The following ROCK2 variants were observed in gnomAD, a reference collection of about 807,000 sequenced individuals.
The protein encoded by ROCK2 is Rho associated coiled-coil containing protein kinase 2.
ROCK2 carries 61 observed loss-of-function variants against 195.1 expected under a neutral mutation model. That is an observed-to-expected ratio of 0.31 (90% confidence interval 0.25 to 0.39). The LOEUF (loss-of-function observed/expected upper bound fraction) is 0.39. Among genes scored for constraint, ROCK2 ranks in the 10% least tolerant of loss-of-function variants. ROCK2 has a pLI of 1.00. For missense variants in ROCK2, 1,109 were observed against 1,637.4 expected, an observed-to-expected ratio of 0.68 and a Z score of 5.57; for synonymous variants, 504 against 545.5, an observed-to-expected ratio of 0.92 and a Z score of 1.06.
intron 1 of ROCK2, among the ~76,000 whole-genome samples, chr2:11,293,567 G>A (rs748545007): frequency 3.3e-5 from 5 of 152,292 alleles, no homozygotes; most frequent in Admixed American, 6.5e-5. Context: ...GGCAAGATAG[G>A]ACCAGTATTA....
chr2:11,222,227 TTAACTC>T (rs1400164040), intron 7 of ROCK2, 53 bp from the exon 8 acceptor site: 2 of 1,028,532 alleles, frequency 1.9e-6, no homozygotes, highest in East Asian at 2.5e-5. Flanking sequence ...AATAAAAAGA[TTAACTC>T]TATGTCAACA....
intron 3 of ROCK2, among the ~76,000 whole-genome samples, chr2:11,273,876 C>A (rs1175973771): frequency 6.6e-6 from 1 of 150,992 alleles, no homozygotes; most frequent in Non-Finnish European, 1.5e-5. Flanking sequence ...TGGCAGTGAG[C>A]CGAGGTTGCG....
At position 11,235,240 on chromosome 2, in the gene ROCK2, A is replaced by C. The variant is rs1040008372; in HGVS notation, c.723+462T>G. Among the ~76,000 whole-genome samples, 2 of 152,210 alleles carry C rather than the reference A, an allele frequency of 1.3e-5. No individual in the cohort carries two copies. The highest frequency in any genetic ancestry group is 4.8e-5 in the African/African-American group (2 of 41,470). The stretch of plus-strand genomic sequence containing the variant: ...AAGCATCGGAACAGATGATGTTCCC[A>C]AATTTATTCTGTGTGGTTGATGCAG... On this transcript the variant is annotated intron_variant, in intron 5 of 32. Transcript: ENST00000315872. This position sits in a 1 kb window ranked among gnomAD's most constrained non-coding sequence, Gnocchi z 4.2.
chr2:11,250,318 T>C (rs1009075440), intron 3 of ROCK2, among the ~76,000 whole-genome samples: 3 of 152,204 alleles, frequency 2.0e-5, no homozygotes, highest in Non-Finnish European at 4.4e-5. Context: ...TGTTTGTTTG[T>C]GTTTTAGGAA....
At chr2:11,314,497 A>T (rs1457327984) in intron 1 of ROCK2, among the ~76,000 whole-genome samples, 1 of 152,008 alleles carries the variant, frequency 6.6e-6, no homozygotes. Flanking sequence ...ATTTACATGA[A>T]TAAGGTTTCG....
chr2:11,317,587 T>TAAAAAAAAAAAAAAAAA (rs1553317367), intron 1 of ROCK2, among the ~76,000 whole-genome samples: 1 of 12,448 alleles, frequency 8.0e-5, no homozygotes, highest in African/African-American at 2.7e-4. Flanking sequence ...TATATATATA[T>TAAAAAAAAAAAAAAAAA]ATATATATAT....
intron 1 of ROCK2, among the ~76,000 whole-genome samples, chr2:11,331,048 A>AGGAGGGAGGAGGAGGGAGGG: frequency 7.0e-6 from 1 of 141,954 alleles, no homozygotes; most frequent in African/African-American, 2.6e-5. Flanking sequence ...AGGAGGGAGG[A>AGGAGGGAGGAGGAGGGAGGG]GGAGGAGGAG....
chr2:11,233,655 AG>A (rs1350057025), intron 5 of ROCK2, among the ~76,000 whole-genome samples: 8 of 152,212 alleles, frequency 5.3e-5, no homozygotes, highest in Admixed American at 2.0e-4. Context: ...ACTAAGCAGC[AG>A]AAAGAAGCAA....
intron 1 of ROCK2, among the ~76,000 whole-genome samples, chr2:11,317,610 A>ATTTTTTTT (rs1300312547): frequency 1.8e-4 from 3 of 16,814 alleles, no homozygotes; most frequent in South Asian, 2.3e-3. Context: ...ATATATATAT[A>ATTTTTTTT]TATTTTTTTT....
chr2:11,339,730 G>T (rs1669045348), intron 1 of ROCK2, among the ~76,000 whole-genome samples: 1 of 151,962 alleles, frequency 6.6e-6, no homozygotes, highest in Non-Finnish European at 1.5e-5. Context: ...AAAAAAACAA[G>T]TAAAACTAAA....
At chr2:11,222,684 T>A (rs1243323250) in intron 7 of ROCK2, among the ~76,000 whole-genome samples, 4 of 152,126 alleles carry the variant, frequency 2.6e-5, no homozygotes, top group Admixed American at 2.6e-4. Context: ...TCATTCTGCA[T>A]ATATGAAAAA....
At chr2:11,333,747 T>C (rs933812892) in intron 1 of ROCK2, among the ~76,000 whole-genome samples, 1 of 152,182 alleles carries the variant, frequency 6.6e-6, no homozygotes, top group Non-Finnish European at 1.5e-5. Context: ...TTTTAAAGGA[T>C]TTCACCTTGT....
At chr2:11,313,811 T>C (rs566385116) in intron 1 of ROCK2, among the ~76,000 whole-genome samples, 4 of 152,048 alleles carry the variant, frequency 2.6e-5, no homozygotes, top group African/African-American at 4.8e-5. Context: ...TTTTGGTGCA[T>C]GTTATAAAGA....
At chr2:11,241,477 C>G (rs1393487889) in intron 4 of ROCK2, among the ~76,000 whole-genome samples, 2 of 152,052 alleles carry the variant, frequency 1.3e-5, no homozygotes, top group Non-Finnish European at 2.9e-5. Flanking sequence ...TTGATGAACT[C>G]TATAAACCCA....
At chr2:11,291,995 A>G (rs2148201569) in intron 1 of ROCK2, among the ~76,000 whole-genome samples, 1 of 9,018 alleles carries the variant, frequency 1.1e-4, no homozygotes, top group African/African-American at 1.3e-4. Context: ...ATGACAGACT[A>G]TGATAGTTAA....
At chr2:11,323,799 G>T (rs752002894) in intron 1 of ROCK2, among the ~76,000 whole-genome samples, 1 of 152,008 alleles carries the variant, frequency 6.6e-6, no homozygotes, top group Non-Finnish European at 1.5e-5. Context: ...TCCCTCACCA[G>T]AATGATACGT....
rs766667964 is a variant in ROCK2, at chr2:11,211,828, T to C, written c.2056A>G (p.Met686Val). The C allele has an allele frequency of 7.5e-6, 12 of 1,590,488 alleles. No individual in the cohort carries two copies. The highest frequency in any genetic ancestry group is 1.2e-5 in the South Asian group (1 of 86,158). Residue 686 changes from methionine (M) to valine (V), a missense_variant, in exon 18 of 33, where the codon ATG becomes GTG. This residue lies in a region of ROCK2 where 542 missense variants were observed against 672.0 expected (regional missense o/e 0.81). Transcript: ENST00000315872. Reference protein sequence around the residue: ...FTDLEKEKSNMEIDMTYQLKV... With the variant: ...FTDLEKEKSNVEIDMTYQLKV... The stretch of plus-strand genomic sequence containing the variant: ...AGTTGGTATGTCATATCTATTTCCA[T>C]GTTGCTTTTTTCCTATTAAATATTT...
chr2:11,247,807 G>A (rs1572300670), intron 4 of ROCK2, among the ~76,000 whole-genome samples: 1 of 152,214 alleles, frequency 6.6e-6, no homozygotes, highest in Non-Finnish European at 1.5e-5. Flanking sequence ...ATCACTTGAG[G>A]TCAGGAGTTC....
intron 32 of ROCK2, among the ~76,000 whole-genome samples, chr2:11,190,452 T>C (rs552660713): frequency 1.9e-3 from 285 of 151,836 alleles, no homozygotes; most frequent in Non-Finnish European, 3.2e-3. Context: ...GAAAGGAAGG[T>C]ATTTGTAAGT....
Sources: allele counts gnomAD v4.1 joint callset (sites outside exome capture counted in the v4.1 genomes callset), GRCh38; gene constraint gnomAD v4.1.1; regional missense constraint gnomAD v4.1.1; non-coding constraint Gnocchi (gnomAD v3.1); transcripts MANE v1.5; gene names NCBI Gene and HGNC (gene_info 2026-07-23, HGNC 2026-07-21).